BHMT: variants seen among roughly 807,000 people sequenced by gnomAD.
BHMT encodes betaine--homocysteine S-methyltransferase, also known as betaine--homocysteine S-methyltransferase 1.
A neutral mutation model predicts 49.5 loss-of-function variants in BHMT; 38 were observed. The observed-to-expected ratio is 0.77, with a 90% confidence interval of 0.59 to 1.01. BHMT has a LOEUF of 1.01. Among genes scored for constraint, BHMT ranks in the 50% least tolerant of loss-of-function variants. The pLI is 0.00. For missense variants in BHMT, 426 were observed against 495.7 expected, an observed-to-expected ratio of 0.86 and a Z score of 1.34; for synonymous variants, 166 against 176.3, an observed-to-expected ratio of 0.94 and a Z score of 0.46.
intron 7 of BHMT, 101 bp downstream of exon 7, chr5:79,128,084 A>G: frequency 7.3e-7 from 1 of 1,368,566 alleles, no homozygotes; most frequent in Non-Finnish European, 1.0e-6. Flanking sequence ...ATGATGAAGA[A>G]TCAGTCATCC....
At chr5:79,128,258 C>G in intron 7 of BHMT, 1 of 334,270 alleles carries the variant, frequency 3.0e-6, no homozygotes, top group Non-Finnish European at 5.4e-6. Flanking sequence ...CGGTGGCTCG[C>G]GCCTGTAATC....
chr5:79,124,370 G>A (rs10474577), intron 5 of BHMT, among the ~76,000 whole-genome samples: 48,012 of 151,558 alleles, frequency 0.32, 7,720 homozygotes, highest in African/African-American at 0.36. Flanking sequence ...GCAACATAAT[G>A]AGGCCTTGTC....
At chr5:79,128,102 C>G in intron 7 of BHMT, 119 bp downstream of exon 7, 1 of 1,236,524 alleles carries the variant, frequency 8.1e-7, no homozygotes, top group Middle Eastern at 2.1e-4. Context: ...TCCCCAAATT[C>G]TCTCCCAGAG....
rs568737681 is a variant in BHMT at position 79,119,244 on chromosome 5, C to T, written c.167-15C>T. ...AATAAACAGAAATTATACCTTTCCT[C>T]ATTCACTCTCCCAGTTCGCCAGCTT... On this transcript the variant is annotated splice_polypyrimidine_tract_variant and intron_variant, in intron 2 of 7. Transcript: ENST00000274353. 6.4e-7 allele frequency: 1 copy of T among 1,573,118 alleles called. No individual in the cohort carries two copies. The highest frequency in any genetic ancestry group is 1.2e-5 in the South Asian group (1 of 86,490).
At position 79,120,551 on chromosome 5, in the gene BHMT, G is replaced by T. The variant is rs757497637; in HGVS notation, c.477+10G>T. The T allele has an allele frequency of 1.4e-5, 23 of 1,602,092 alleles. No homozygotes were observed. The highest frequency in any genetic ancestry group is 2.0e-5 in the Non-Finnish European group (23 of 1,175,524). Reference sequence around the variant, plus strand: ...CTTCTTGATTGCAGAGGTAAAGAAAGATGTGGTGAAAGATAAGACAAATAC... The same window carrying T: ...CTTCTTGATTGCAGAGGTAAAGAAATATGTGGTGAAAGATAAGACAAATAC... On this transcript the variant is annotated intron_variant, in intron 4 of 7. Coordinates refer to ENST00000274353, the MANE Select transcript of BHMT (RefSeq NM_001713.3).
chr5:79,127,742 C>T lies in BHMT; in HGVS notation c.809-13C>T, dbSNP rs749530749. On this transcript the variant is annotated splice_polypyrimidine_tract_variant and intron_variant, in intron 6 of 7. Coordinates refer to ENST00000274353, the MANE Select transcript of BHMT (RefSeq NM_001713.3). ...ATGTATAATGCCTAATGGCATAATG[C>T]CACTTATTACAGGACTGGAACCCAG... 2.1e-5 allele frequency: 34 copies of T among 1,613,472 alleles called. No homozygotes were observed. The highest frequency in any genetic ancestry group is 1.7e-4 in the Middle Eastern group (1 of 6,056).
chr5:79,126,142 A>C lies in BHMT; in HGVS notation c.722A>C (p.Lys241Thr), dbSNP rs1250124908. 6.2e-7 allele frequency: 1 copy of C among 1,613,670 alleles called. No homozygotes were observed. Among genetic ancestry groups the C allele is most frequent in the Admixed American group, 1.7e-5 (1 of 60,020 alleles). ...MKEGLEAARL[K>T]AHLMSQPLAY... ...GAGGGCTTGGAGGCTGCCCGACTGA[A>C]AGCTCACCTGATGAGCCAGCCCTTG... is the stretch of plus-strand genomic sequence containing the variant. The change falls in exon 6 of 8, where the codon AAA becomes ACA. Residue 241 changes from lysine to threonine, a missense_variant. By Grantham distance (78) the Lys-to-Thr change is moderately conservative. Around this residue, in one of 3 missense-constraint regions of BHMT, gnomAD observed 321 missense variants for 355.9 expected, o/e 0.90. Coordinates refer to ENST00000274353, the MANE Select transcript of BHMT (RefSeq NM_001713.3).
chr5:79,121,306 C>G lies in BHMT; in HGVS notation c.566C>G (p.Pro189Arg), dbSNP rs11541208. Residue 189 changes from proline to arginine, a missense_variant, in exon 5 of 8, where the codon CCA (proline) becomes CGA (arginine). This residue lies in a region of BHMT where 321 missense variants were observed against 355.9 expected (regional missense o/e 0.90). Transcript: ENST00000274353. ...KPVAATMCIG[P>R]EGDLHGVPPG... The stretch of plus-strand genomic sequence containing the variant: ...GTGGCAGCAACCATGTGCATTGGCC[C>G]AGAAGGAGATTTGCATGGCGTGCCC... 1 of 1,614,188 alleles carries G rather than the reference C, an allele frequency of 6.2e-7. No homozygotes were observed. Among genetic ancestry groups the G allele is most frequent in the Non-Finnish European group, 8.5e-7 (1 of 1,180,032 alleles).
chr5:79,119,819 C>T (rs982863193), intron 3 of BHMT, among the ~76,000 whole-genome samples: 3 of 152,172 alleles, frequency 2.0e-5, no homozygotes, highest in African/African-American at 4.8e-5. Context: ...CAAAATTCCA[C>T]GAGTGTACAG....
At chr5:79,113,933 T>C (rs1756346279) in intron 1 of BHMT, among the ~76,000 whole-genome samples, 1 of 152,088 alleles carries the variant, frequency 6.6e-6, no homozygotes, top group Admixed American at 6.6e-5. Flanking sequence ...ATTAAAATGC[T>C]GTGGTACTAA....
Position 79,119,394 on chromosome 5 carries a change from G to A in BHMT, c.285+17G>A, listed in dbSNP as rs766889112. 16 of 1,583,212 alleles carry A rather than the reference G, an allele frequency of 1.0e-5. No homozygotes were observed. The highest frequency in any genetic ancestry group is 1.7e-4 in the Middle Eastern group (1 of 6,002). On this transcript the variant is annotated intron_variant, in intron 3 of 7. Coordinates refer to ENST00000274353, the MANE Select transcript of BHMT (RefSeq NM_001713.3). ...AAGATATCTGTGAGTAAAACCAGCC[G>A]TGGGACTTTTAGAAGGATATTGTCG...
chr5:79,116,007 C>T, intron 2 of BHMT, 108 bp downstream of exon 2: 1 of 1,356,728 alleles, frequency 7.4e-7, no homozygotes. Context: ...CACTTGAGCC[C>T]AGGAGTTCAA....
chr5:79,116,165 A>G (rs1756384138), intron 2 of BHMT: 2 of 261,948 alleles, frequency 7.6e-6, no homozygotes, highest in African/African-American at 4.4e-5. Context: ...GATTTTGTGT[A>G]TCTGCAGCGC....
rs1164614240 is a variant in BHMT, at chr5:79,127,793, A to C, written c.847A>C (p.Lys283Gln). The change falls in exon 7 of 8, where the codon AAA (lysine) becomes CAA (glutamine). Residue 283 changes from lysine (K) to glutamine (Q), a missense_variant. Lys to Gln is a moderately conservative substitution (Grantham distance 53). Transcript: ENST00000274353. ...AGTTGCCACCAGATGGGATATTCAAAAATACGCCAGAGAGGCCTACAACCT... is the reference window on the plus strand; with the variant it reads ...AGTTGCCACCAGATGGGATATTCAACAATACGCCAGAGAGGCCTACAACCT... ...PRVATRWDIQ[K>Q]YAREAYNLGV... 1.5e-5 allele frequency: 24 copies of C among 1,614,108 alleles called. No homozygotes were observed. The highest frequency in any genetic ancestry group is 2.0e-5 in the Non-Finnish European group (24 of 1,179,964).
intron 2 of BHMT, among the ~76,000 whole-genome samples, chr5:79,117,848 C>T (rs575472842): frequency 5.3e-5 from 8 of 152,238 alleles, no homozygotes; most frequent in Non-Finnish European, 7.4e-5. Context: ...ATTCTCCTAA[C>T]GAAAACAACC....
chr5:79,114,877 AATTACTTTGTAATT>A (rs1187109770), intron 1 of BHMT, among the ~76,000 whole-genome samples: 5 of 152,216 alleles, frequency 3.3e-5, no homozygotes, highest in Non-Finnish European at 7.3e-5. Flanking sequence ...TAAACTAGAG[AATTACTTTGTAATT>A]CACAAAACCC....
Position 79,115,860 on chromosome 5 carries a change from C to A in BHMT, c.127C>A (p.Pro43Thr). The A allele has an allele frequency of 6.2e-7, 1 of 1,613,862 alleles. No homozygotes were observed. Among genetic ancestry groups the A allele is most frequent in the Non-Finnish European group, 8.5e-7 (1 of 1,179,900 alleles). ...LEKRGYVKAGPWTPEAAVEHP... is the reference protein window; with the variant it reads ...LEKRGYVKAGTWTPEAAVEHP... ...GAAGAGGGGCTACGTAAAGGCAGGA[C>A]CCTGGACTCCTGAAGCTGCTGTGGA... is the stretch of plus-strand genomic sequence containing the variant. The change falls in exon 2 of 8, where the codon CCC becomes ACC. Residue 43 changes from proline (P) to threonine (T), a missense_variant. Coordinates refer to ENST00000274353, the MANE Select transcript of BHMT (RefSeq NM_001713.3).
chr5:79,112,267 C>T (rs1756313888), intron 1 of BHMT, among the ~76,000 whole-genome samples: 1 of 152,220 alleles, frequency 6.6e-6, no homozygotes, highest in Non-Finnish European at 1.5e-5. Flanking sequence ...GGCTGGGTGT[C>T]CCCAGAACTC....
chr5:79,131,150 G>C lies in BHMT; in HGVS notation c.*34G>C. ...GAAGCTATTTTTGATGAATTTCTAG[G>C]TGTTTGGGTCACAGTTCCTACAAAT... On this transcript the variant is annotated 3_prime_UTR_variant, in exon 8 of 8. Coordinates refer to ENST00000274353, the MANE Select transcript of BHMT (RefSeq NM_001713.3). The C allele has an allele frequency of 6.3e-7, 1 of 1,585,154 alleles. No individual in the cohort carries two copies.
Sources: allele counts gnomAD v4.1 joint callset (sites outside exome capture counted in the v4.1 genomes callset), GRCh38; gene constraint gnomAD v4.1.1; regional missense constraint gnomAD v4.1.1; transcripts MANE v1.5; gene names NCBI Gene and HGNC (gene_info 2026-07-23, HGNC 2026-07-21).